Variants in FLI1 observed in about 807,000 individuals in gnomAD.
FLI1 encodes the protein Fli-1 proto-oncogene, ETS transcription factor.
FLI1 carries 13 observed loss-of-function variants against 53.1 expected under a neutral mutation model. The observed-to-expected ratio is 0.24, with a 90% CI of 0.16 to 0.39. The LOEUF is 0.39. Ranked by LOEUF, FLI1 falls within the 10% of genes least tolerant of loss-of-function variation. The pLI is 1.00. For missense variants in FLI1, 424 were observed against 600.5 expected (o/e 0.71, Z 3.07); for synonymous variants, 244 against 236.7 (o/e 1.03, Z -0.28).
intron 3 of FLI1, among the ~76,000 whole-genome samples, chr11:128,771,060 T>G (rs1443853677): frequency 6.6e-6 from 1 of 152,208 alleles, no homozygotes; most frequent in East Asian, 1.9e-4. Flanking sequence ...CCCAGATACT[T>G]ACCAGCGATG....
At chr11:128,797,855 A>G (rs190097318) in intron 5 of FLI1, among the ~76,000 whole-genome samples, 15 of 152,310 alleles carry the variant, frequency 9.8e-5, no homozygotes, top group African/African-American at 3.6e-4. Flanking sequence ...ACAAGCGTAC[A>G]AAGAATTACA....
At chr11:128,764,524 G>A (rs755513466) in intron 2 of FLI1, 18 of 859,540 alleles carry the variant, frequency 2.1e-5, no homozygotes, top group Non-Finnish European at 3.3e-5. Flanking sequence ...CTGCCAGTGG[G>A]CCCCAGCCCC....
chr11:128,810,332 T>C lies in FLI1; in HGVS notation c.830-127T>C. On this transcript the variant is annotated intron_variant, in intron 8 of 8. Transcript: ENST00000527786. This position sits in a 1 kb window ranked among gnomAD's most constrained non-coding sequence, Gnocchi z 6.6. The stretch of plus-strand genomic sequence containing the variant: ...ACATAAGAAGGGCTTGTCAAGTCGA[T>C]CCCAATGTCGAAGGAAACAAAAGGT... 4.3e-6 allele frequency: 4 copies of C among 927,808 alleles called. No homozygotes were observed. Among genetic ancestry groups the C allele is most frequent in the Non-Finnish European group, 6.4e-6 (4 of 627,864 alleles). The allele number at this position is 927,808 out of a possible 1,614,324, so 57.5% of individuals were successfully genotyped here.
At chr11:128,701,200 C>T (rs1008620309) in intron 1 of FLI1, among the ~76,000 whole-genome samples, 1 of 152,202 alleles carries the variant, frequency 6.6e-6, no homozygotes, top group Non-Finnish European at 1.5e-5. Flanking sequence ...CTGTGATTAT[C>T]CTTCTCATCC....
At chr11:128,786,978 T>C (rs1190212829) in intron 5 of FLI1, among the ~76,000 whole-genome samples, 1 of 152,150 alleles carries the variant, frequency 6.6e-6, no homozygotes, top group Non-Finnish European at 1.5e-5. Context: ...ACAGCCCCAC[T>C]GCAAGCGGAA....
chr11:128,759,609 T>C (rs1429588290), intron 2 of FLI1, among the ~76,000 whole-genome samples: 1 of 152,152 alleles, frequency 6.6e-6, no homozygotes, highest in Non-Finnish European at 1.5e-5. Context: ...AGGGGGTGCA[T>C]GACAGGAAAG....
intron 1 of FLI1, among the ~76,000 whole-genome samples, chr11:128,698,731 T>TGA (rs754816403): frequency 2.0e-4 from 22 of 112,502 alleles, no homozygotes; most frequent in South Asian, 6.1e-4. Context: ...TGTGTGTGTG[T>TGA]GTGAGAGAGA....
chr11:128,755,171 T>C (rs1368688748), intron 1 of FLI1, among the ~76,000 whole-genome samples: 1 of 152,214 alleles, frequency 6.6e-6, no homozygotes, highest in East Asian at 1.9e-4. Context: ...CTTAGGATAA[T>C]GATGGGAGGA....
At chr11:128,798,195 C>T (rs532756187) in intron 5 of FLI1, among the ~76,000 whole-genome samples, 16 of 152,308 alleles carry the variant, frequency 1.1e-4, no homozygotes, top group South Asian at 6.2e-4. Flanking sequence ...AATTTAGTTG[C>T]GTCTACATGA....
At chr11:128,778,244 G>A (rs984210870) in intron 4 of FLI1, among the ~76,000 whole-genome samples, 1 of 152,128 alleles carries the variant, frequency 6.6e-6, no homozygotes, top group Non-Finnish European at 1.5e-5. Flanking sequence ...ACAGAGAGAA[G>A]TGCAAAAATC....
chr11:128,804,277 T>C (rs1186833444), intron 5 of FLI1: 1 of 152,222 alleles, frequency 6.6e-6, no homozygotes, highest in Admixed American at 6.5e-5. Context: ...GACTCTGTTG[T>C]TTGATGAGGT....
At chr11:128,758,402 T>G in intron 2 of FLI1, 76 bp downstream of exon 2, 1 of 1,280,530 alleles carries the variant, frequency 7.8e-7, no homozygotes, top group Non-Finnish European at 1.1e-6. Context: ...CTTCTGGCAC[T>G]TAAGGTTTTT....
At chr11:128,778,964 C>T (rs529789214) in intron 4 of FLI1, among the ~76,000 whole-genome samples, 99 of 152,328 alleles carry the variant, frequency 6.5e-4, no homozygotes, top group Middle Eastern at 3.4e-3. Context: ...GCCAGATGCC[C>T]CCAACCAGCC....
intron 5 of FLI1, among the ~76,000 whole-genome samples, chr11:128,799,643 A>T (rs1000896526): frequency 1.3e-5 from 2 of 152,138 alleles, no homozygotes; most frequent in African/African-American, 4.8e-5. Context: ...GAGAGAAAGG[A>T]TACCTTCGTG....
intron 4 of FLI1, among the ~76,000 whole-genome samples, chr11:128,775,007 A>G (rs1233525974): frequency 6.6e-6 from 1 of 152,230 alleles, no homozygotes; most frequent in Non-Finnish European, 1.5e-5. Flanking sequence ...TTTCTTTTTA[A>G]GAATATTTAT....
intron 5 of FLI1, among the ~76,000 whole-genome samples, chr11:128,784,857 C>CTGTG (rs34412702): frequency 3.0e-3 from 454 of 150,786 alleles, no homozygotes; most frequent in African/African-American, 5.1e-3. Context: ...AGCACCAGAG[C>CTGTG]TGTGTGTGTG....
upstream of FLI1, among the ~76,000 whole-genome samples, chr11:128,685,445 G>C (rs561736466): frequency 5.6e-4 from 86 of 152,310 alleles, 1 homozygote; most frequent in African/African-American, 2.0e-3. Context: ...CTCGCTGCTT[G>C]TTCTGGTTGC....
At position 128,776,416 on chromosome 11, in the gene FLI1, C is replaced by T. The variant is rs1386719107; in HGVS notation, c.589+3431C>T. Among the ~76,000 whole-genome samples the T allele has an allele frequency of 2.6e-5, 4 of 152,316 alleles. No individual in the cohort carries two copies. In the East Asian group the frequency reaches 7.7e-4, roughly 29 times the overall value. On this transcript the variant is annotated intron_variant, in intron 4 of 8. Coordinates refer to ENST00000527786, the MANE Select transcript of FLI1 (RefSeq NM_002017.5). ...TGTCAATCCCAGCACTTTGGGAGGC[C>T]AAGGCGGGTGGATCACCTGAGGCCA...
intron 3 of FLI1, among the ~76,000 whole-genome samples, chr11:128,771,184 T>C (rs1006574725): frequency 6.6e-6 from 1 of 152,212 alleles, no homozygotes; most frequent in African/African-American, 2.4e-5. Context: ...AGGTGGCACA[T>C]AGCACCCACC....
Sources: allele counts gnomAD v4.1 joint callset (sites outside exome capture counted in the v4.1 genomes callset), GRCh38; gene constraint gnomAD v4.1.1; non-coding constraint Gnocchi (gnomAD v3.1); transcripts MANE v1.5; gene names NCBI Gene and HGNC (gene_info 2026-07-23, HGNC 2026-07-21).